SLC25A36: variants seen among roughly 807,000 people sequenced by gnomAD.
SLC25A36 encodes epididymis secretory sperm binding protein.
Under a neutral mutation model 35.3 loss-of-function variants are expected in SLC25A36, and 24 were observed. The observed-to-expected ratio is 0.68, with a 90% CI of 0.49 to 0.96. SLC25A36 has a LOEUF of 0.96. SLC25A36 is among the 40% of genes least tolerant of loss of function. SLC25A36 has a pLI of 0.00. For synonymous variants in SLC25A36, 141 were observed against 132.2 expected (o/e 1.07, Z -0.46); for missense variants, 294 against 381.1 (o/e 0.77, Z 1.90).
At position 140,951,307 on chromosome 3, in the gene SLC25A36, A is replaced by G. The variant is rs558519629; in HGVS notation, c.42-5220A>G. Among the ~76,000 whole-genome samples, 15 of 152,288 alleles carry G rather than the reference A, an allele frequency of 9.8e-5. No individual in the cohort carries two copies. The South Asian group carries it at 1.7e-3, about 17-fold the overall frequency. On this transcript the variant is annotated intron_variant, in intron 1 of 6. Coordinates refer to ENST00000324194, the MANE Select transcript of SLC25A36 (RefSeq NM_001104647.3). ...TTGAAGCAATAGTTTTGTTCTCTACATCAATTCTGATTTCAGTGTGCATAA... is the reference window on the plus strand; with the variant it reads ...TTGAAGCAATAGTTTTGTTCTCTACGTCAATTCTGATTTCAGTGTGCATAA...
chr3:140,942,427 C>G, intron 1 of SLC25A36: 1 of 224,192 alleles, frequency 4.5e-6, no homozygotes, highest in Non-Finnish European at 8.8e-6. Flanking sequence ...ATCCATGCGT[C>G]TGAGGAGACG....
intron 1 of SLC25A36, among the ~76,000 whole-genome samples, chr3:140,950,238 AT>A (rs564144983): frequency 9.9e-5 from 15 of 152,148 alleles, no homozygotes; most frequent in Non-Finnish European, 1.8e-4. Flanking sequence ...GAATAACTTC[AT>A]TCCTCCCCGC....
intron 5 of SLC25A36, among the ~76,000 whole-genome samples, chr3:140,971,558 T>G (rs1934902842): frequency 6.6e-6 from 1 of 152,204 alleles, no homozygotes. Flanking sequence ...GGGACTTATT[T>G]TAAATGGAAT....
intron 1 of SLC25A36, among the ~76,000 whole-genome samples, chr3:140,954,720 TA>T (rs1934432501): frequency 6.6e-6 from 1 of 152,260 alleles, no homozygotes. Context: ...TTCCTGACTG[TA>T]AGCACTTTTG....
In SLC25A36 at chr3:140,955,951, A is replaced by G. The variant is rs557452577; in HGVS notation, c.42-576A>G. On this transcript the variant is annotated intron_variant, in intron 1 of 6. Transcript: ENST00000324194. ...CAAACCATCCTCTTGTCTCCTCCCAAAGCTCTGGGATTACATGTGTGAGCC... is the reference window on the plus strand; with the variant it reads ...CAAACCATCCTCTTGTCTCCTCCCAGAGCTCTGGGATTACATGTGTGAGCC... 9.9e-5 allele frequency among the ~76,000 whole-genome samples: 15 copies of G among 152,282 alleles called. No homozygotes were observed. The East Asian group carries it at 2.9e-3, about 29-fold the overall frequency.
chr3:140,973,702 T>C lies in SLC25A36; in HGVS notation c.453-14T>C. Reference sequence around the variant, plus strand: ...AAAAAACCTATCAGTAAGATGTTTCTTTTTGCTTTTCAGGAACCGCGGGGA... The same window carrying C: ...AAAAAACCTATCAGTAAGATGTTTCCTTTTGCTTTTCAGGAACCGCGGGGA... On this transcript the variant is annotated splice_polypyrimidine_tract_variant and intron_variant, in intron 5 of 6. Transcript: ENST00000324194. 1 of 1,440,020 alleles carries C rather than the reference T, an allele frequency of 6.9e-7. No individual in the cohort carries two copies. The highest frequency in any genetic ancestry group is 1.9e-4 in the Middle Eastern group (1 of 5,240). 89.2% of individuals were successfully genotyped at this position (1,440,020 alleles called of 1,614,324 possible).
At chr3:140,961,880 A>T (rs1934639587) in intron 3 of SLC25A36, among the ~76,000 whole-genome samples, 1 of 149,592 alleles carries the variant, frequency 6.7e-6, no homozygotes, top group Admixed American at 6.7e-5. Context: ...AAAAAAAAAA[A>T]AAAAAGGCAT....
At position 140,942,022 on chromosome 3, in the gene SLC25A36, GC is replaced by G. The variant is rs1395750929; in HGVS notation, c.-31del. On this transcript the variant is annotated 5_prime_UTR_variant, in exon 1 of 7. Coordinates refer to ENST00000324194, the MANE Select transcript of SLC25A36 (RefSeq NM_001104647.3). ...TAGCGGGCGGCCAGATCCGCGTCCC[GC>G]CTCAGCGGCCGGAGGACATGCGGGA... The G allele has an allele frequency of 7.5e-7, 1 of 1,334,602 alleles. No homozygotes were observed. Among genetic ancestry groups the G allele is most frequent in the Admixed American group, 2.0e-5 (1 of 48,918 alleles). The allele number at this position is 1,334,602 out of a possible 1,614,324, so 82.7% of individuals were successfully genotyped here.
chr3:140,966,751 G>A (rs1445099269), intron 4 of SLC25A36: 1 of 362,184 alleles, frequency 2.8e-6, no homozygotes, highest in Non-Finnish European at 5.5e-6. Context: ...TCAGTACTCG[G>A]TACATTTTTT....
In SLC25A36 at chr3:140,978,904, C is replaced by G. The variant is rs1373680783; in HGVS notation, c.*2451C>G. The G allele has an allele frequency of 6.6e-6, 1 of 150,626 alleles. No individual in the cohort carries two copies. Among genetic ancestry groups the G allele is most frequent in the Non-Finnish European group, 1.5e-5 (1 of 67,814 alleles). The allele number at this position is 150,626 out of a possible 1,614,324, so 9.3% of individuals were successfully genotyped here. A position where few individuals can be genotyped will look rare whatever the true frequency, so the allele number is the denominator to read the frequency against. On this transcript the variant is annotated 3_prime_UTR_variant, in exon 7 of 7. Coordinates refer to ENST00000324194, the MANE Select transcript of SLC25A36 (RefSeq NM_001104647.3). ...TAAAAAATCGACTCATGTTTAAAAA[C>G]AAAAACACATATTCAGAGCATTGGA...
intron 1 of SLC25A36, among the ~76,000 whole-genome samples, chr3:140,953,484 T>C (rs1287227955): frequency 6.6e-6 from 1 of 152,202 alleles, no homozygotes; most frequent in East Asian, 1.9e-4. Flanking sequence ...GATTGAATGT[T>C]TCACATAATA....
intron 2 of SLC25A36, chr3:140,956,904 T>A: frequency 1.3e-6 from 1 of 759,752 alleles, no homozygotes; most frequent in Non-Finnish European, 1.8e-6. Context: ...CCAAATCATG[T>A]GTATTTAGAA....
chr3:140,978,959 A>T lies in SLC25A36; in HGVS notation c.*2506A>T, dbSNP rs1935122211. The T allele has an allele frequency of 6.6e-6, 1 of 152,202 alleles. No homozygotes were observed. The highest frequency in any genetic ancestry group is 1.5e-5 in the Non-Finnish European group (1 of 68,032). 9.4% of individuals were successfully genotyped at this position (152,202 alleles called of 1,614,324 possible). A position where few individuals can be genotyped will look rare whatever the true frequency, so the allele number is the denominator to read the frequency against. ...TTTAACTTGTTTTCATCTGTTTATC[A>T]TGACTTTTTTATTTCTGGTGTAGAG... On this transcript the variant is annotated 3_prime_UTR_variant, in exon 7 of 7. Transcript: ENST00000324194.
chr3:140,974,138 A>G (rs1311619771), intron 6 of SLC25A36, 133 bp downstream of exon 6: 5 of 627,552 alleles, frequency 8.0e-6, no homozygotes, highest in Non-Finnish European at 1.3e-5. Flanking sequence ...ATGAGATTAA[A>G]TCTGGTTAAG....
rs779687997 is a variant in SLC25A36 at position 140,980,148 on chromosome 3, C to T, written c.*3695C>T. 9.9e-5 allele frequency among the ~76,000 whole-genome samples: 15 copies of T among 152,084 alleles called. No individual in the cohort carries two copies. The highest frequency in any genetic ancestry group is 8.5e-4 in the Admixed American group (13 of 15,266). ...ACCCAAAGGTCAAGTAATCCAACTC[C>T]CTCATAGTGTACAAAGAAATCTTGC... On this transcript the variant is annotated 3_prime_UTR_variant, in exon 7 of 7. Coordinates refer to ENST00000324194, the MANE Select transcript of SLC25A36 (RefSeq NM_001104647.3).
intron 1 of SLC25A36, among the ~76,000 whole-genome samples, chr3:140,946,866 T>C (rs1360861375): frequency 4.6e-5 from 7 of 152,172 alleles, no homozygotes; most frequent in Non-Finnish European, 1.0e-4. Context: ...GGAAAGAGGA[T>C]TGGACTAGGG....
In SLC25A36 at chr3:140,970,707, T is replaced by C. The variant is rs745646666; in HGVS notation, c.386-220T>C. 3.6e-4 allele frequency: 127 copies of C among 356,596 alleles called. 1 individual carries two copies. Among genetic ancestry groups the C allele is most frequent in the Non-Finnish European group, 6.0e-4 (116 of 193,700 alleles). 22.1% of individuals were successfully genotyped at this position (356,596 alleles called of 1,614,324 possible). ...GGAAAGCAATTTATATTCATTTTGC[T>C]TTTAAAAGAATCTGTTAGTTAAGGA... On this transcript the variant is annotated intron_variant, in intron 4 of 6. Coordinates refer to ENST00000324194, the MANE Select transcript of SLC25A36 (RefSeq NM_001104647.3).
intron 1 of SLC25A36, among the ~76,000 whole-genome samples, chr3:140,955,198 A>G (rs1394936301): frequency 1.3e-5 from 2 of 152,048 alleles, no homozygotes; most frequent in Non-Finnish European, 2.9e-5. Context: ...TTTCTTTTAC[A>G]TTCTATTCGG....
At chr3:140,974,911 CT>C (rs1282704100) in intron 6 of SLC25A36, among the ~76,000 whole-genome samples, 8 of 151,974 alleles carry the variant, frequency 5.3e-5, no homozygotes, top group African/African-American at 1.7e-4. Flanking sequence ...AAGTTCCTGA[CT>C]TTTCTAAAAG....
Sources: gnomAD v4.1 joint callset for allele counts (sites outside exome capture counted in the v4.1 genomes callset) on GRCh38, gnomAD v4.1.1 for gene constraint, MANE v1.5 for transcripts, NCBI Gene and HGNC (gene_info 2026-07-23, HGNC 2026-07-21) for gene names.